The following CASR variants were observed in gnomAD, a reference collection of about 807,000 sequenced individuals.
CASR encodes extracellular calcium-sensing receptor.
A neutral mutation model predicts 69.1 loss-of-function variants in CASR; 23 were observed. The observed-to-expected ratio is 0.33, with a 90% confidence interval of 0.24 to 0.47. The LOEUF (loss-of-function observed/expected upper bound fraction) is 0.47, where lower values mean the gene tolerates loss of function less well. Ranked by LOEUF, CASR falls within the 20% of genes least tolerant of loss-of-function variation. CASR has a pLI of 1.00. For missense variants in CASR, 924 were observed against 1,356.1 expected, an observed-to-expected ratio of 0.68 and a Z score of 5.00; for synonymous variants, 541 against 544.7, an observed-to-expected ratio of 0.99 and a Z score of 0.10.
chr3:122,211,680 C>T (rs1216269197), intron 1 of CASR, among the ~76,000 whole-genome samples: 1 of 152,106 alleles, frequency 6.6e-6, no homozygotes, highest in Admixed American at 6.6e-5. Context: ...TGCCCTCCAG[C>T]CTGGGTAACA....
rs2074940832 is a variant in CASR at position 122,284,518 on chromosome 3, A to G, written c.2564A>G (p.Asn855Ser). ...SFGLLACIFF[N>S]KIYIILFKPS... ...GGCTTGCTGGCGTGCATCTTCTTCA[A>G]CAAGATCTACATCATTCTCTTCAAG... The change falls in exon 7 of 7, where the codon AAC becomes AGC. Residue 855 changes from asparagine (N) to serine (S), a missense_variant. By Grantham distance (46) the Asn-to-Ser change is conservative (BLOSUM62 1). Around this residue, in one of 8 missense-constraint regions of CASR, gnomAD observed 42 missense variants for 73.2 expected, o/e 0.57. Transcript: ENST00000639785. 1.1e-5 allele frequency: 18 copies of G among 1,613,294 alleles called. No individual in the cohort carries two copies. The highest frequency in any genetic ancestry group is 1.4e-5 in the Non-Finnish European group (17 of 1,179,932).
Position 122,252,358 on chromosome 3 carries a change from A to AGAAG in CASR, c.-242-1587_-242-1586insGGAA, listed in dbSNP as rs1465358180. 4.2e-3 allele frequency among the ~76,000 whole-genome samples: 224 copies of AGAAG among 53,380 alleles called. 1 individual carries two copies. Among genetic ancestry groups the AGAAG allele is most frequent in the South Asian group, 0.033 (43 of 1,322 alleles). 35.0% of individuals were successfully genotyped at this position (53,380 alleles called of 152,430 possible). Reference sequence around the variant, plus strand: ...AGAGAAAGAAAGAAGAAAGAAAGAAAGAAAGAAGGAAGGAAGGAAGGAAGG... The same window carrying AGAAG: ...AGAGAAAGAAAGAAGAAAGAAAGAAAGAAGGAAAGAAGGAAGGAAGGAAGGAAGG... On this transcript the variant is annotated intron_variant, in intron 1 of 6. Coordinates refer to ENST00000639785, the MANE Select transcript of CASR (RefSeq NM_000388.4).
chr3:122,201,993 C>T (rs1486322399), intron 1 of CASR, among the ~76,000 whole-genome samples: 6 of 152,228 alleles, frequency 3.9e-5, no homozygotes, highest in East Asian at 3.9e-4. Flanking sequence ...CAGGCAGAGA[C>T]GCTCCTCACT....
chr3:122,193,948 C>A (rs1342138106), intron 1 of CASR, among the ~76,000 whole-genome samples: 1 of 152,026 alleles, frequency 6.6e-6, no homozygotes, highest in Non-Finnish European at 1.5e-5. Flanking sequence ...CTCCCAATAA[C>A]CCTCATTTAA....
chr3:122,198,472 A>T (rs72967358), intron 1 of CASR, among the ~76,000 whole-genome samples: 4 of 152,014 alleles, frequency 2.6e-5, no homozygotes, highest in Admixed American at 2.6e-4. Context: ...TAAAAGTTGC[A>T]GACCAGAATG....
At chr3:122,246,722 A>C (rs2074431181) in intron 1 of CASR, 1 of 152,198 alleles carries the variant, frequency 6.6e-6, no homozygotes, top group Non-Finnish European at 1.5e-5. Context: ...TTTAGCATAC[A>C]CCACAAGTCA....
In CASR at chr3:122,282,172, G is replaced by C. The variant is rs186279271; in HGVS notation, c.1668G>C (p.Glu556Asp). Residue 556 changes from glutamate to aspartate, a missense_variant, in exon 6 of 7, where the codon GAG becomes GAC. This residue lies in a region of CASR where 310 missense variants were observed against 395.7 expected (regional missense o/e 0.78). Transcript: ENST00000639785. ...CAGGGACCAGGAAAGGGATCATTGA[G>C]GGGGAGCCCACCTGCTGCTTTGAGT... ...CLAGTRKGIIEGEPTCCFECV... is the reference protein window; with the variant it reads ...CLAGTRKGIIDGEPTCCFECV... 1.9e-6 allele frequency: 3 copies of C among 1,614,168 alleles called. No homozygotes were observed. Among genetic ancestry groups the C allele is most frequent in the Non-Finnish European group, 2.5e-6 (3 of 1,180,014 alleles).
intron 1 of CASR, among the ~76,000 whole-genome samples, chr3:122,231,061 T>A (rs2074273802): frequency 6.6e-6 from 1 of 152,184 alleles, no homozygotes; most frequent in South Asian, 2.1e-4. Context: ...TTGAGGGTCA[T>A]CATCCACCTG....
chr3:122,194,595 A>G (rs2073870746), intron 1 of CASR, among the ~76,000 whole-genome samples: 1 of 152,186 alleles, frequency 6.6e-6, no homozygotes, highest in Admixed American at 6.5e-5. Flanking sequence ...CCACAATGTC[A>G]TGAGAAGGAA....
rs762352492 is a variant in CASR at position 122,261,563 on chromosome 3, C to T, written c.528C>T (p.Asn176=). 2 of 1,614,224 alleles carry T rather than the reference C, an allele frequency of 1.2e-6. No homozygotes were observed. Among genetic ancestry groups the T allele is most frequent in the South Asian group, 2.2e-5 (2 of 91,090 alleles). ...CCTCCTCCAGCAGACTCCTCAGCAACAAGAATCAATTCAAGTCTTTCCTCC... is the reference window on the plus strand; with the variant it reads ...CCTCCTCCAGCAGACTCCTCAGCAATAAGAATCAATTCAAGTCTTTCCTCC... ...SYASSSRLLS[N]KNQFKSFLRT... The change falls in exon 4 of 7, where the codon AAC becomes AAT. Residue 176 remains asparagine (N), a synonymous_variant. Transcript: ENST00000639785.
intron 1 of CASR, among the ~76,000 whole-genome samples, chr3:122,189,994 A>G (rs1165891830): frequency 6.6e-6 from 1 of 152,204 alleles, no homozygotes; most frequent in Non-Finnish European, 1.5e-5. Context: ...CTGTGTACTC[A>G]GAGACGCCAG....
chr3:122,247,258 T>C (rs948560889), intron 1 of CASR: 1 of 152,202 alleles, frequency 6.6e-6, no homozygotes, highest in African/African-American at 2.4e-5. Context: ...TGTGCTCCTG[T>C]GGCAGAGTGT....
chr3:122,185,637 G>A (rs947640898), intron 1 of CASR, among the ~76,000 whole-genome samples: 16 of 152,312 alleles, frequency 1.1e-4, no homozygotes, highest in Non-Finnish European at 1.5e-4. Context: ...CACCACAGTA[G>A]TTCCTATTCC....
chr3:122,274,792 G>A (rs1433531686), intron 4 of CASR, among the ~76,000 whole-genome samples: 1 of 152,180 alleles, frequency 6.6e-6, no homozygotes, highest in East Asian at 1.9e-4. Flanking sequence ...TTCAGGAGGT[G>A]CAGTGGAAGG....
chr3:122,191,955 A>G (rs2073843948), intron 1 of CASR, among the ~76,000 whole-genome samples: 1 of 152,250 alleles, frequency 6.6e-6, no homozygotes, highest in Admixed American at 6.5e-5. Flanking sequence ...TGTCATAACA[A>G]ATTACCTGGA....
intron 1 of CASR, among the ~76,000 whole-genome samples, chr3:122,191,855 G>T (rs1559932712): frequency 2.0e-5 from 3 of 152,118 alleles, no homozygotes; most frequent in Non-Finnish European, 4.4e-5. Context: ...CTTCAATAAG[G>T]GAAACATTTT....
intron 1 of CASR, among the ~76,000 whole-genome samples, chr3:122,235,252 C>T (rs1353186137): frequency 2.0e-5 from 3 of 152,196 alleles, no homozygotes; most frequent in Non-Finnish European, 4.4e-5. Context: ...AGACTCTGCT[C>T]GGAAAGGTAG....
intron 4 of CASR, among the ~76,000 whole-genome samples, chr3:122,263,448 G>A (rs955643460): frequency 2.0e-5 from 3 of 152,178 alleles, no homozygotes; most frequent in Non-Finnish European, 4.4e-5. Context: ...AAACTTTCAA[G>A]CTCTAAACAG....
chr3:122,230,444 C>T (rs1387781848), intron 1 of CASR, among the ~76,000 whole-genome samples: 1 of 152,216 alleles, frequency 6.6e-6, no homozygotes, highest in East Asian at 1.9e-4. Context: ...GTGAGAGGGA[C>T]GCAGGAGCAG....
Sources: gnomAD v4.1 joint callset for allele counts (sites outside exome capture counted in the v4.1 genomes callset) on GRCh38, gnomAD v4.1.1 for gene constraint, gnomAD v4.1.1 regional missense constraint, MANE v1.5 for transcripts, NCBI Gene and HGNC (gene_info 2026-07-23, HGNC 2026-07-21) for gene names.